The following ZBTB46 variants were observed in gnomAD, a reference collection of about 807,000 sequenced individuals.
The protein encoded by ZBTB46 is zinc finger and BTB domain-containing protein 46.
In ZBTB46, 8 loss-of-function variants were observed where a neutral mutation model predicts 44.1. The observed-to-expected ratio is 0.18, with a 90% confidence interval of 0.11 to 0.33. The LOEUF is 0.33. Among genes scored for constraint, ZBTB46 ranks in the 10% least tolerant of loss-of-function variants. ZBTB46 has a pLI of 1.00. For missense variants in ZBTB46, 651 were observed against 847.7 expected (o/e 0.77, Z 2.88); for synonymous variants, 409 against 382.3 (o/e 1.07, Z -0.81).
At chr20:63,755,283 T>C (rs566525828) in intron 3 of ZBTB46, among the ~76,000 whole-genome samples, 43 of 152,336 alleles carry the variant, frequency 2.8e-4, no homozygotes, top group African/African-American at 9.9e-4. Flanking sequence ...CGGTCCACTC[T>C]CTTGCAGTTC....
intron 2 of ZBTB46, among the ~76,000 whole-genome samples, chr20:63,781,813 C>T (rs1410185046): frequency 1.3e-5 from 2 of 151,256 alleles, no homozygotes; most frequent in African/African-American, 2.4e-5. Flanking sequence ...AGGCCGGGCG[C>T]GGTGGCTCAC....
At chr20:63,822,195 C>T (rs1458609790) in intron 1 of ZBTB46, among the ~76,000 whole-genome samples, 1 of 152,218 alleles carries the variant, frequency 6.6e-6, no homozygotes, top group Non-Finnish European at 1.5e-5. Flanking sequence ...AACACACTTG[C>T]AGCACCAGCC....
intron 4 of ZBTB46, among the ~76,000 whole-genome samples, chr20:63,750,229 GCC>G (rs2145757394): frequency 6.6e-6 from 1 of 152,224 alleles, no homozygotes; most frequent in South Asian, 2.1e-4. Context: ...AAAAAGTCAA[GCC>G]CCATATGCTT....
chr20:63,773,150 G>C (rs889091582), intron 3 of ZBTB46, among the ~76,000 whole-genome samples: 6 of 151,940 alleles, frequency 3.9e-5, no homozygotes, highest in African/African-American at 1.5e-4. Flanking sequence ...CTTCATGGAC[G>C]GAGCCACACC....
intron 2 of ZBTB46, among the ~76,000 whole-genome samples, chr20:63,776,164 G>A (rs901733680): frequency 2.0e-5 from 3 of 152,224 alleles, no homozygotes; most frequent in Admixed American, 2.0e-4. Context: ...GCCCACCCAG[G>A]TCCCATGGCT....
intron 1 of ZBTB46, among the ~76,000 whole-genome samples, chr20:63,814,311 CAA>C (rs1462460619): frequency 2.0e-5 from 3 of 151,402 alleles, no homozygotes; most frequent in East Asian, 3.9e-4. Flanking sequence ...ATGAGTAAGA[CAA>C]GAGCAGAGCA....
chr20:63,822,352 G>A (rs566164404), intron 1 of ZBTB46, among the ~76,000 whole-genome samples: 1 of 152,278 alleles, frequency 6.6e-6, no homozygotes, highest in Admixed American at 6.5e-5. Context: ...ACTTTTGTAT[G>A]TGACACGGGC....
At position 63,789,964 on chromosome 20, in the gene ZBTB46, T is replaced by C; in HGVS notation, c.794A>G (p.Gln265Arg). 6.2e-7 allele frequency: 1 copy of C among 1,614,164 alleles called. No individual in the cohort carries two copies. The highest frequency in any genetic ancestry group is 1.1e-5 in the South Asian group (1 of 91,090). Reference protein sequence around the residue: ...FSEQSAGDAWQPTGRRKNRKN... With the variant: ...FSEQSAGDAWRPTGRRKNRKN... ...CCGATTCTTCCTTCGGCCCGTGGGC[T>C]GCCAGGCATCACCAGCACTCTGCTC... Residue 265 changes from glutamine to arginine, a missense_variant, in exon 2 of 5, where the codon CAG (glutamine) becomes CGG (arginine). By Grantham distance (43) the Gln-to-Arg change is conservative (BLOSUM62 1). This residue lies in a region of ZBTB46 where 385 missense variants were observed against 423.3 expected (regional missense o/e 0.91). Transcript: ENST00000245663.
chr20:63,768,091 A>G (rs2092335927), intron 3 of ZBTB46: 1 of 985,454 alleles, frequency 1.0e-6, no homozygotes, highest in East Asian at 1.1e-4. Flanking sequence ...TTGTCCAATC[A>G]CTACTAAGAC....
chr20:63,831,302 C>CCCCGCG (rs1481268042), upstream of ZBTB46: 1 of 133,986 alleles, frequency 7.5e-6, no homozygotes, highest in African/African-American at 2.7e-5. Flanking sequence ...CCCCCGCCGC[C>CCCCGCG]CGCGCGCGCG....
intron 1 of ZBTB46, among the ~76,000 whole-genome samples, chr20:63,799,722 A>G (rs998657202): frequency 2.0e-5 from 3 of 152,306 alleles, no homozygotes; most frequent in African/African-American, 2.4e-5. Context: ...GCAGGCACAC[A>G]TGGACAGAGG....
intron 3 of ZBTB46, among the ~76,000 whole-genome samples, chr20:63,754,821 G>A (rs1225658865): frequency 3.3e-5 from 5 of 151,334 alleles, no homozygotes; most frequent in African/African-American, 9.7e-5. Flanking sequence ...GGATGGTCTC[G>A]ATCTCCTGAC....
chr20:63,820,853 C>T (rs1399689133), intron 1 of ZBTB46, among the ~76,000 whole-genome samples: 1 of 152,064 alleles, frequency 6.6e-6, no homozygotes, highest in Non-Finnish European at 1.5e-5. Context: ...CTCATCCTCC[C>T]GAAGATCTGG....
At chr20:63,784,708 C>T (rs1484534504) in intron 2 of ZBTB46, among the ~76,000 whole-genome samples, 2 of 152,218 alleles carry the variant, frequency 1.3e-5, no homozygotes, top group Non-Finnish European at 2.9e-5. Flanking sequence ...CATTTTAATG[C>T]TATTTCCCAC....
chr20:63,755,859 C>T (rs577500934), intron 3 of ZBTB46, among the ~76,000 whole-genome samples: 1 of 152,198 alleles, frequency 6.6e-6, no homozygotes, highest in Non-Finnish European at 1.5e-5. Context: ...GATCATTACA[C>T]GGAAACGGGC....
intron 1 of ZBTB46, among the ~76,000 whole-genome samples, chr20:63,800,965 C>T (rs927345483): frequency 6.6e-6 from 1 of 152,238 alleles, no homozygotes; most frequent in African/African-American, 2.4e-5. Flanking sequence ...GCCCCAGTGC[C>T]GGATCCACTC....
chr20:63,776,762 C>G (rs905678577), intron 2 of ZBTB46, among the ~76,000 whole-genome samples: 1 of 151,680 alleles, frequency 6.6e-6, no homozygotes, highest in South Asian at 2.1e-4. Context: ...CGAGATCACA[C>G]CACTGCACTC....
intron 3 of ZBTB46, among the ~76,000 whole-genome samples, chr20:63,763,948 T>C (rs978681218): frequency 1.3e-5 from 2 of 152,154 alleles, no homozygotes; most frequent in Non-Finnish European, 1.5e-5. Flanking sequence ...AGTTGCCTTA[T>C]CTGGTGCTTT....
At chr20:63,828,859 C>T (rs150056833) in intron 1 of ZBTB46, among the ~76,000 whole-genome samples, 1 of 152,246 alleles carries the variant, frequency 6.6e-6, no homozygotes, top group Admixed American at 6.5e-5. Context: ...GTCTCCAGGG[C>T]TCTGAGAGGC....
Sources: gnomAD v4.1 joint callset for allele counts (sites outside exome capture counted in the v4.1 genomes callset) on GRCh38, gnomAD v4.1.1 for gene constraint, gnomAD v4.1.1 regional missense constraint, MANE v1.5 for transcripts, NCBI Gene and HGNC (gene_info 2026-07-23, HGNC 2026-07-21) for gene names.